The following WDR64 variants were observed in gnomAD, a reference collection of about 807,000 sequenced individuals.
The protein encoded by WDR64 is WD repeat-containing protein 64.
A neutral mutation model predicts 139.3 loss-of-function variants in WDR64; 112 were observed. The ratio of observed to expected loss-of-function variants is 0.80; its 90% confidence interval spans 0.69 to 0.94. The LOEUF (loss-of-function observed/expected upper bound fraction) is 0.94, where lower values mean the gene tolerates loss of function less well. Ranked by LOEUF, WDR64 falls within the 40% of genes least tolerant of loss-of-function variation. The probability of loss-of-function intolerance (pLI) is 0.00; values close to 1 mark genes in which losing one functional copy is unlikely to be tolerated. For missense variants in WDR64, 1,206 were observed against 1,293.1 expected, an observed-to-expected ratio of 0.93 and a Z score of 1.03; for synonymous variants, 444 against 437.7, an observed-to-expected ratio of 1.01 and a Z score of -0.18.
At chr1:241,728,694 G>A (rs958865855) in intron 10 of WDR64, among the ~76,000 whole-genome samples, 3 of 152,080 alleles carry the variant, frequency 2.0e-5, no homozygotes, top group East Asian at 1.9e-4. Flanking sequence ...AAGAACTGAC[G>A]AATGTTGAAA....
chr1:241,738,540 CTTTT>C, intron 11 of WDR64, 51 bp downstream of exon 11: 1 of 1,554,366 alleles, frequency 6.4e-7, no homozygotes, highest in Non-Finnish European at 8.7e-7. Context: ...GATTTTTAAC[CTTTT>C]TTTAAACTAG....
At chr1:241,763,998 G>A (rs1223042814) in intron 15 of WDR64, among the ~76,000 whole-genome samples, 1 of 152,150 alleles carries the variant, frequency 6.6e-6, no homozygotes, top group African/African-American at 2.4e-5. Flanking sequence ...GTTTCTAGAG[G>A]ATAGTGAAAA....
chr1:241,735,531 C>CCCTTTTTTTTTTTTTT (rs1296893731), intron 10 of WDR64, among the ~76,000 whole-genome samples: 5 of 96,784 alleles, frequency 5.2e-5, no homozygotes, highest in African/African-American at 2.1e-4. Flanking sequence ...CTCTCTCTCT[C>CCCTTTTTTTTTTTTTT]TCTTTTTTTT....
chr1:241,659,913 T>C (rs1444080731), intron 1 of WDR64, among the ~76,000 whole-genome samples: 1 of 152,240 alleles, frequency 6.6e-6, no homozygotes, highest in Non-Finnish European at 1.5e-5. Flanking sequence ...TAAGTTTAAT[T>C]AGATCCCATT....
At chr1:241,751,383 G>C (rs528334644) in intron 14 of WDR64, among the ~76,000 whole-genome samples, 1 of 152,166 alleles carries the variant, frequency 6.6e-6, no homozygotes, top group Admixed American at 6.5e-5. Context: ...GGAAGTTGGA[G>C]CTGAGAGTGG....
intron 8 of WDR64, among the ~76,000 whole-genome samples, chr1:241,689,926 A>T (rs1460940161): frequency 6.6e-6 from 1 of 151,854 alleles, no homozygotes. Flanking sequence ...AAAACAAAAC[A>T]AAAAAAACCA....
intron 20 of WDR64, 127 bp downstream of exon 20, chr1:241,773,058 G>T: frequency 8.5e-7 from 1 of 1,172,448 alleles, no homozygotes; most frequent in Non-Finnish European, 1.1e-6. Flanking sequence ...TAGCCAAATT[G>T]CTGATCTTGC....
chr1:241,748,440 T>C (rs1669846855), intron 13 of WDR64, among the ~76,000 whole-genome samples: 1 of 152,198 alleles, frequency 6.6e-6, no homozygotes, highest in South Asian at 2.1e-4. Context: ...TGTTCTCACA[T>C]GACAAAGGGG....
At chr1:241,746,582 A>T (rs74881366) in intron 13 of WDR64, among the ~76,000 whole-genome samples, 14,883 of 145,748 alleles carry the variant, frequency 0.1, 2,489 homozygotes, top group African/African-American at 0.35. Context: ...AAAAAAAAAA[A>T]ATTTTCAACA....
chr1:241,773,669 T>A (rs749886129), intron 20 of WDR64, among the ~76,000 whole-genome samples: 1 of 152,214 alleles, frequency 6.6e-6, no homozygotes, highest in African/African-American at 2.4e-5. Context: ...GGTTTCACCA[T>A]GTTGGCCAGG....
intron 10 of WDR64, among the ~76,000 whole-genome samples, chr1:241,727,344 C>T (rs1668885209): frequency 6.6e-6 from 1 of 152,136 alleles, no homozygotes; most frequent in Non-Finnish European, 1.5e-5. Context: ...CATTCATGCT[C>T]AGAGATGAAG....
In WDR64 at chr1:241,741,612, A is replaced by C; in HGVS notation, c.1418A>C (p.Tyr473Ser). ...GAACGAGAAATCAATGTCATGCTTTACAACAAATATTTTCATCAAGTACTC... is the reference window on the plus strand; with the variant it reads ...GAACGAGAAATCAATGTCATGCTTTCCAACAAATATTTTCATCAAGTACTC... ...THEREINVML[Y>S]NKYFHQVLTI... Residue 473 changes from tyrosine to serine, a missense_variant, in exon 12 of 28, where the codon TAC (tyrosine) becomes TCC (serine). Coordinates refer to ENST00000437684, the MANE Select transcript of WDR64 (RefSeq NM_001367482.1). 6.2e-7 allele frequency: 1 copy of C among 1,613,454 alleles called. No homozygotes were observed. The highest frequency in any genetic ancestry group is 8.5e-7 in the Non-Finnish European group (1 of 1,179,874).
At chr1:241,763,561 C>T (rs1658017372) in intron 15 of WDR64, among the ~76,000 whole-genome samples, 1 of 152,104 alleles carries the variant, frequency 6.6e-6, no homozygotes, top group African/African-American at 2.4e-5. Context: ...AAAAGTTAGC[C>T]AGGTATGGTG....
Position 241,652,903 on chromosome 1 carries a change from C to T in WDR64, c.145+274C>T, listed in dbSNP as rs571413415. ...AAAACTATGGGATTGGATTAAATGA[C>T]GTCCAGTGTTCTTCTGTAGACGCTG... On this transcript the variant is annotated intron_variant, in intron 1 of 27. Coordinates refer to ENST00000437684, the MANE Select transcript of WDR64 (RefSeq NM_001367482.1). 1.5e-4 allele frequency among the ~76,000 whole-genome samples: 23 copies of T among 152,160 alleles called. 1 individual carries two copies. Among genetic ancestry groups the T allele is most frequent in the Non-Finnish European group, 3.1e-4 (21 of 68,032 alleles).
chr1:241,770,434 T>A, intron 17 of WDR64, 187 bp from the exon 18 acceptor site: 2 of 486,818 alleles, frequency 4.1e-6, no homozygotes, highest in Non-Finnish European at 7.3e-6. Context: ...CCCAAGAGTC[T>A]CCACCAATAT....
intron 8 of WDR64, among the ~76,000 whole-genome samples, chr1:241,691,377 G>T (rs1667275202): frequency 6.6e-6 from 1 of 152,132 alleles, no homozygotes; most frequent in South Asian, 2.1e-4. Flanking sequence ...GAGATTGTCA[G>T]AGTGATCACA....
intron 21 of WDR64, among the ~76,000 whole-genome samples, chr1:241,779,216 A>G (rs1658762703): frequency 6.6e-6 from 1 of 151,980 alleles, no homozygotes; most frequent in Non-Finnish European, 1.5e-5. Context: ...GTTGCTTTTG[A>G]TAAGAAGTTT....
intron 15 of WDR64, among the ~76,000 whole-genome samples, chr1:241,758,924 T>A (rs1670315485): frequency 1.3e-5 from 2 of 152,164 alleles, no homozygotes. Context: ...GAAAAAACAT[T>A]AAGAGAAAAT....
At chr1:241,687,371 C>T (rs1045592605) in intron 7 of WDR64, 90 bp from the exon 8 acceptor site, 13 of 1,427,426 alleles carry the variant, frequency 9.1e-6, no homozygotes, top group Non-Finnish European at 1.2e-5. Flanking sequence ...TAGTACAATT[C>T]AGTTACAGTC....
Sources: allele counts gnomAD v4.1 joint callset (sites outside exome capture counted in the v4.1 genomes callset), GRCh38; gene constraint gnomAD v4.1.1; transcripts MANE v1.5; gene names NCBI Gene and HGNC (gene_info 2026-07-23, HGNC 2026-07-21).